Variants in TOE1 observed in about 807,000 individuals in gnomAD.
TOE1 encodes the protein target of EGR1 protein 1.
A neutral mutation model predicts 49.2 loss-of-function variants in TOE1; 50 were observed. That is an observed-to-expected ratio of 1.02 (90% CI 0.81 to 1.29). The LOEUF (loss-of-function observed/expected upper bound fraction) is 1.29. Among genes scored for constraint, TOE1 ranks in the 50% most tolerant of loss-of-function variants. The pLI, the probability that TOE1 is intolerant of heterozygous loss-of-function variation, is 0.00. For synonymous variants in TOE1, 221 were observed against 247.0 expected, an observed-to-expected ratio of 0.89 and a Z score of 0.99; for missense variants, 544 against 654.4, an observed-to-expected ratio of 0.83 and a Z score of 1.84.
At chr1:45,340,569 T>G (rs1250136514) in intron 1 of TOE1, 1 of 1,363,956 alleles carries the variant, frequency 7.3e-7, no homozygotes, top group Non-Finnish European at 9.5e-7. Flanking sequence ...GTGATTCAGT[T>G]CAGTGGAGTG....
chr1:45,343,257 A>G lies in TOE1; in HGVS notation c.1088A>G (p.Asp363Gly). 1 of 1,614,056 alleles carries G rather than the reference A, an allele frequency of 6.2e-7. No homozygotes were observed. Among genetic ancestry groups the G allele is most frequent in the African/African-American group, 1.3e-5 (1 of 74,994 alleles). ...PGTQTSGEAK[D>G]GPPKKQVCGD... ...ACACAGACCTCTGGGGAAGCTAAGGATGGTCCTCCCAAGAAGCAGGTCTGT... is the reference window on the plus strand; with the variant it reads ...ACACAGACCTCTGGGGAAGCTAAGGGTGGTCCTCCCAAGAAGCAGGTCTGT... Residue 363 changes from aspartate to glycine, a missense_variant, in exon 8 of 8, where the codon GAT (aspartate) becomes GGT (glycine). Asp to Gly is a moderately conservative substitution (Grantham distance 94). Transcript: ENST00000372090. This position sits in a 1 kb window ranked among gnomAD's most constrained non-coding sequence, Gnocchi z 4.3.
chr1:45,343,565 G>A lies in TOE1; in HGVS notation c.1396G>A (p.Gly466Arg). The change falls in exon 8 of 8, where the codon GGA (glycine) becomes AGA (arginine). Residue 466 changes from glycine to arginine, a missense_variant. Gly to Arg is a moderately radical substitution (Grantham distance 125). Transcript: ENST00000372090. This position sits in a 1 kb window ranked among gnomAD's most constrained non-coding sequence, Gnocchi z 4.3. ...VSQGPQPCSS[G>R]PWLPECHNKV... Reference sequence around the variant, plus strand: ...CCAGGGACCGCAGCCCTGCAGCTCTGGACCCTGGCTCCCTGAATGCCACAA... The same window carrying A: ...CCAGGGACCGCAGCCCTGCAGCTCTAGACCCTGGCTCCCTGAATGCCACAA... The A allele has an allele frequency of 1.2e-6, 2 of 1,614,036 alleles. No individual in the cohort carries two copies. Among genetic ancestry groups the A allele is most frequent in the East Asian group, 2.2e-5 (1 of 44,870 alleles).
At position 45,343,173 on chromosome 1, in the gene TOE1, AGCGGCGACG is replaced by A. The variant is rs1323024011; in HGVS notation, c.1008_1016del (p.Arg340_Arg342del). On this transcript the variant is annotated inframe_deletion, in exon 8 of 8. Coordinates refer to ENST00000372090, the MANE Select transcript of TOE1 (RefSeq NM_025077.4). The surrounding 1 kb of genome is among the most constrained non-coding windows in gnomAD (Gnocchi z 4.3). ...ACTGATGAGGCTGCGGCAGAGGACA[AGCGGCGACG>A]GCGACGACGTAGGGAAAAACGGAAG... 1 of 1,613,944 alleles carries A rather than the reference AGCGGCGACG, an allele frequency of 6.2e-7. No individual in the cohort carries two copies. The highest frequency in any genetic ancestry group is 8.5e-7 in the Non-Finnish European group (1 of 1,179,986).
At chr1:45,340,389 T>C (rs1570595688) in intron 1 of TOE1, 85 bp downstream of exon 1, 3 of 1,548,814 alleles carry the variant, frequency 1.9e-6, no homozygotes. Flanking sequence ...TAGAGGCTCC[T>C]CAAGCTTCAG....
Position 45,341,053 on chromosome 1 carries a change from A to G in TOE1, c.53-20A>G, listed in dbSNP as rs775590906. ...GCTCTTTCCTTAAGCATGAACATCC[A>G]TCACCCTCCTAACCCCCAGGTGGTG... On this transcript the variant is annotated intron_variant, in intron 1 of 7. Transcript: ENST00000372090. 2 of 1,614,050 alleles carry G rather than the reference A, an allele frequency of 1.2e-6. No individual in the cohort carries two copies. The highest frequency in any genetic ancestry group is 2.2e-5 in the East Asian group (1 of 44,876).
In TOE1 at chr1:45,340,266, G is replaced by T. The variant is rs1310672482; in HGVS notation, c.14G>T (p.Ser5Ile). Residue 5 changes from serine (S) to isoleucine (I), a missense_variant, in exon 1 of 8, where the codon AGT (serine) becomes ATT (isoleucine). Ser to Ile is a moderately radical substitution (Grantham distance 142). Transcript: ENST00000372090. MAADSDDGAVSAPAA... is the reference protein window; with the variant it reads MAADIDDGAVSAPAA... ...ACGAGCGGTGTCATGGCCGCCGACA[G>T]TGACGATGGCGCAGTTTCAGCTCCC... The T allele has an allele frequency of 6.2e-7, 1 of 1,613,844 alleles. No homozygotes were observed. Among genetic ancestry groups the T allele is most frequent in the Admixed American group, 1.7e-5 (1 of 60,026 alleles).
At chr1:45,341,799 A>G in intron 4 of TOE1, 150 bp from the exon 5 acceptor site, 1 of 871,162 alleles carries the variant, frequency 1.1e-6, no homozygotes. Flanking sequence ...CCCAGTGTAC[A>G]CTGTGCCCAA....
At chr1:45,340,566 A>T in intron 1 of TOE1, 3 of 1,363,218 alleles carry the variant, frequency 2.2e-6, no homozygotes, top group Non-Finnish European at 2.8e-6. Flanking sequence ...GTTGTGATTC[A>T]GTTCAGTGGA....
rs748689064 is a variant in TOE1, at chr1:45,340,257, C to T, written c.5C>T (p.Ala2Val). The change falls in exon 1 of 8, where the codon GCC (alanine) becomes GTC (valine). Residue 2 changes from alanine to valine, a missense_variant. Physicochemically the swap from Ala to Val is moderately conservative, Grantham distance 64. Coordinates refer to ENST00000372090, the MANE Select transcript of TOE1 (RefSeq NM_025077.4). ...AGGCGGGAGACGAGCGGTGTCATGG[C>T]CGCCGACAGTGACGATGGCGCAGTT... Reference protein sequence around the residue: MAADSDDGAVSA... With the variant: MVADSDDGAVSA... 6.2e-7 allele frequency: 1 copy of T among 1,613,788 alleles called. No individual in the cohort carries two copies. Among genetic ancestry groups the T allele is most frequent in the Non-Finnish European group, 8.5e-7 (1 of 1,180,004 alleles).
rs1025568788 is a variant in TOE1, at chr1:45,342,106, A to T, written c.491A>T (p.Lys164Met). The T allele has an allele frequency of 6.2e-7, 1 of 1,613,760 alleles. No homozygotes were observed. The highest frequency in any genetic ancestry group is 1.1e-5 in the South Asian group (1 of 91,070). ...QGIPYHKGNDKGDESQSQSVR... is the reference protein window; with the variant it reads ...QGIPYHKGNDMGDESQSQSVR... Reference sequence around the variant, plus strand: ...ATCCCCTACCATAAGGGCAATGACAAGGTAGGCCTCTAGCCTCCCTAGCCT... The same window carrying T: ...ATCCCCTACCATAAGGGCAATGACATGGTAGGCCTCTAGCCTCCCTAGCCT... The change falls in exon 5 of 8, where the codon AAG becomes ATG. Residue 164 changes from lysine (K) to methionine (M), a missense_variant and splice_region_variant. Transcript: ENST00000372090.
rs1326225599 is a variant in TOE1, at chr1:45,343,241, T to C, written c.1072T>C (p.Ser358Pro). ...ALLNLPGTQTSGEAKDGPPKK... is the reference protein window; with the variant it reads ...ALLNLPGTQTPGEAKDGPPKK... ...ATTGAACCTACCGGGGACACAGACCTCTGGGGAAGCTAAGGATGGTCCTCC... is the reference window on the plus strand; with the variant it reads ...ATTGAACCTACCGGGGACACAGACCCCTGGGGAAGCTAAGGATGGTCCTCC... The change falls in exon 8 of 8, where the codon TCT becomes CCT. Residue 358 changes from serine to proline, a missense_variant. Transcript: ENST00000372090. This position sits in a 1 kb window ranked among gnomAD's most constrained non-coding sequence, Gnocchi z 4.3. The C allele has an allele frequency of 6.2e-7, 1 of 1,613,936 alleles. No homozygotes were observed. Among genetic ancestry groups the C allele is most frequent in the Non-Finnish European group, 8.5e-7 (1 of 1,179,994 alleles).
At position 45,343,454 on chromosome 1, in the gene TOE1, C is replaced by T. The variant is rs775672641; in HGVS notation, c.1285C>T (p.Pro429Ser). 9.9e-6 allele frequency: 16 copies of T among 1,614,052 alleles called. No homozygotes were observed. Among genetic ancestry groups the T allele is most frequent in the Non-Finnish European group, 1.4e-5 (16 of 1,180,048 alleles). ...AGAAGTGCCAGGGAGCCAAGCCAGTCCTAACCCAGTGCCTGGGGATGGATT... is the reference window on the plus strand; with the variant it reads ...AGAAGTGCCAGGGAGCCAAGCCAGTTCTAACCCAGTGCCTGGGGATGGATT... ...TSEVPGSQAS[P>S]NPVPGDGLHR... The change falls in exon 8 of 8, where the codon CCT becomes TCT. Residue 429 changes from proline (P) to serine (S), a missense_variant. Coordinates refer to ENST00000372090, the MANE Select transcript of TOE1 (RefSeq NM_025077.4). The surrounding 1 kb of genome is among the most constrained non-coding windows in gnomAD (Gnocchi z 4.3).
chr1:45,341,519 CG>C lies in TOE1; in HGVS notation c.284del (p.Arg95LeufsTer39), dbSNP rs540093600. 6 of 1,613,952 alleles carry C rather than the reference CG, an allele frequency of 3.7e-6. No homozygotes were observed. Among genetic ancestry groups the C allele is most frequent in the Non-Finnish European group, 5.1e-6 (6 of 1,180,026 alleles). ...YKAVCHAARTRSILSLGLACF... is the reference protein window; with the variant it reads ...YKAVCHAARTXSILSLGLACF... ...GGCCGTGTGTCATGCTGCCAGGACC[CG>C]TTCTATCCTTTCCCTGGGCCTCGCC... On this transcript the variant is annotated frameshift_variant, in exon 4 of 8. Coordinates refer to ENST00000372090, the MANE Select transcript of TOE1 (RefSeq NM_025077.4). LOFTEE classifies it high-confidence loss of function.
rs145013548 is a variant in TOE1, at chr1:45,341,125, C to A, written c.105C>A (p.Pro35=). ...TSGEELVVQV[P]VVDVQSNNFK... ...GGGAGGAGCTAGTAGTCCAGGTTCC[C>A]GTAGTGGATGTGCAAAGCAACAACT... Residue 35 remains proline, a synonymous_variant, in exon 2 of 8, where the codon CCC becomes CCA. Coordinates refer to ENST00000372090, the MANE Select transcript of TOE1 (RefSeq NM_025077.4). 1 of 1,614,132 alleles carries A rather than the reference C, an allele frequency of 6.2e-7. No homozygotes were observed. Among genetic ancestry groups the A allele is most frequent in the Non-Finnish European group, 8.5e-7 (1 of 1,180,032 alleles).
chr1:45,342,685 G>A (rs1647060135), intron 6 of TOE1, 42 bp downstream of exon 6: 1 of 1,607,408 alleles, frequency 6.2e-7, no homozygotes, highest in Non-Finnish European at 8.5e-7. Context: ...CCTGATACGA[G>A]TTTATTTCAT....
At position 45,343,618 on chromosome 1, in the gene TOE1, A is replaced by AC; in HGVS notation, c.1453dup (p.Leu485ProfsTer26). Reference sequence around the variant, plus strand: ...AGGTATATTTGAGTGGCAAAGCTGTACCCCTCACAGTGGCCAAGAGCCAGT... The same window carrying AC: ...AGGTATATTTGAGTGGCAAAGCTGTACCCCCTCACAGTGGCCAAGAGCCAGT... On this transcript the variant is annotated frameshift_variant, in exon 8 of 8. Transcript: ENST00000372090. LOFTEE classifies it high-confidence loss of function. This position sits in a 1 kb window ranked among gnomAD's most constrained non-coding sequence, Gnocchi z 4.3. 1 of 1,614,040 alleles carries AC rather than the reference A, an allele frequency of 6.2e-7. No individual in the cohort carries two copies. Among genetic ancestry groups the AC allele is most frequent in the South Asian group, 1.1e-5 (1 of 91,080 alleles).
chr1:45,340,541 C>T (rs1646872443), intron 1 of TOE1: 5 of 1,401,098 alleles, frequency 3.6e-6, no homozygotes, highest in Non-Finnish European at 3.7e-6. Context: ...GAGCTCATAA[C>T]GGTTAGTAGT....
chr1:45,343,914 G>A lies in TOE1; in HGVS notation c.*212G>A. Reference sequence around the variant, plus strand: ...TAACACTGACTTTATTTTTAAGTCTGAAAATGTCTTGGGAAAGTTTTACAA... The same window carrying A: ...TAACACTGACTTTATTTTTAAGTCTAAAAATGTCTTGGGAAAGTTTTACAA... On this transcript the variant is annotated 3_prime_UTR_variant, in exon 8 of 8. Transcript: ENST00000372090. This position sits in a 1 kb window ranked among gnomAD's most constrained non-coding sequence, Gnocchi z 4.3. 2.2e-6 allele frequency: 1 copy of A among 444,468 alleles called. No individual in the cohort carries two copies. The highest frequency in any genetic ancestry group is 3.8e-5 in the Admixed American group (1 of 26,068). The allele number at this position is 444,468 out of a possible 1,614,324, so 27.5% of individuals were successfully genotyped here.
At position 45,341,288 on chromosome 1, in the gene TOE1, T is replaced by C. The variant is rs1430855082; in HGVS notation, c.196-15T>C. ...GCTAGAGGCCTGTCACAACTCTCCC[T>C]TTACCTACCCACAGGAGCTGAGTGG... On this transcript the variant is annotated splice_polypyrimidine_tract_variant and intron_variant, in intron 2 of 7. Transcript: ENST00000372090. 1.2e-6 allele frequency: 2 copies of C among 1,614,120 alleles called. No homozygotes were observed.
Sources: gnomAD v4.1 joint callset for allele counts on GRCh38, gnomAD v4.1.1 for gene constraint, Gnocchi (gnomAD v3.1) non-coding constraint, MANE v1.5 for transcripts, NCBI Gene and HGNC (gene_info 2026-07-23, HGNC 2026-07-21) for gene names.